GFM2: variants seen among roughly 807,000 people sequenced by gnomAD.
The protein encoded by GFM2 is GTP dependent ribosome recycling factor mitochondrial 2, also known as ribosome-releasing factor 2, mitochondrial.
In GFM2, 72 loss-of-function variants were observed where a neutral mutation model predicts 95.4. The observed-to-expected ratio is 0.76, with a 90% CI of 0.62 to 0.92. The LOEUF is 0.92. Among genes scored for constraint, GFM2 ranks in the 40% least tolerant of loss-of-function variants. The pLI is 0.00. For missense variants in GFM2, 825 were observed against 924.1 expected (o/e 0.89, Z 1.39); for synonymous variants, 276 against 317.5 (o/e 0.87, Z 1.39).
At position 74,746,165 on chromosome 5, in the gene GFM2, G is replaced by C; in HGVS notation, c.609C>G (p.Ser203Arg). The C allele has an allele frequency of 6.8e-7, 1 of 1,477,558 alleles. No homozygotes were observed. The highest frequency in any genetic ancestry group is 9.0e-7 in the Non-Finnish European group (1 of 1,108,188). The allele number at this position is 1,477,558 out of a possible 1,614,324, so 91.5% of individuals were successfully genotyped here. A position where few individuals can be genotyped will look rare whatever the true frequency, so the allele number is the denominator to read the frequency against. ...FLNKMDKTGA[S>R]FKYAVESIRE... ...TGATGCTTTCAACTGCATACTTAAAGCTGTAGAAAGCAAAATAATTATAGT... is the reference window on the plus strand; with the variant it reads ...TGATGCTTTCAACTGCATACTTAAACCTGTAGAAAGCAAAATAATTATAGT... Residue 203 changes from serine to arginine, a missense_variant and splice_region_variant, in exon 9 of 21, where the codon AGC becomes AGG. Ser to Arg is a moderately radical substitution (Grantham distance 110). Transcript: ENST00000296805.
chr5:74,721,927 T>A, intron 20 of GFM2, 144 bp from the exon 21 acceptor site: 2 of 725,740 alleles, frequency 2.8e-6, no homozygotes, highest in Non-Finnish European at 4.4e-6. Context: ...ACAGATGATT[T>A]AACTTTTTTC....
chr5:74,753,140 C>T (rs1279827137), intron 5 of GFM2, among the ~76,000 whole-genome samples: 2 of 151,788 alleles, frequency 1.3e-5, no homozygotes, highest in Admixed American at 1.3e-4. Context: ...AGGTGAATAC[C>T]AACTTAAAAA....
chr5:74,730,406 C>G lies in GFM2; in HGVS notation c.1588-8G>C, dbSNP rs372562849. The G allele has an allele frequency of 6.4e-7, 1 of 1,555,346 alleles. No homozygotes were observed. The highest frequency in any genetic ancestry group is 2.0e-5 in the Admixed American group (1 of 48,948). ...CATACCACACAGAACAGTCTGGTTA[C>G]CAGAGGAATGAAATAAAAGATTAAG... On this transcript the variant is annotated splice_polypyrimidine_tract_variant and splice_region_variant and intron_variant, in intron 16 of 20. Transcript: ENST00000296805.
chr5:74,744,980 T>C (rs1743304265), intron 10 of GFM2, among the ~76,000 whole-genome samples: 1 of 152,190 alleles, frequency 6.6e-6, no homozygotes, highest in South Asian at 2.1e-4. Flanking sequence ...AACAGTAACA[T>C]TTCATTTATG....
Position 74,727,993 on chromosome 5 carries a change from A to G in GFM2, c.1727-1867T>C, listed in dbSNP as rs578022910. ...AAACTCCGTACCCCACTTCATCAAC[A>G]TCTCTCCTTTCCCCAGCTTTCCAAT... On this transcript the variant is annotated intron_variant, in intron 17 of 20. Coordinates refer to ENST00000296805, the MANE Select transcript of GFM2 (RefSeq NM_032380.5). 5.9e-5 allele frequency among the ~76,000 whole-genome samples: 9 copies of G among 152,150 alleles called. No individual in the cohort carries two copies. In the South Asian group the frequency reaches 1.9e-3, roughly 32 times the overall value.
intron 5 of GFM2, among the ~76,000 whole-genome samples, chr5:74,756,827 AC>A (rs1464764126): frequency 6.6e-6 from 1 of 152,164 alleles, no homozygotes; most frequent in African/African-American, 2.4e-5. Context: ...GGAATGGAAA[AC>A]TGACATCATT....
intron 8 of GFM2, among the ~76,000 whole-genome samples, chr5:74,746,432 T>C (rs891465284): frequency 1.3e-5 from 2 of 152,224 alleles, no homozygotes; most frequent in African/African-American, 2.4e-5. Context: ...CGCATAACTA[T>C]ACTTTGCAAT....
chr5:74,736,641 A>G, intron 15 of GFM2, 155 bp downstream of exon 15: 1 of 1,448,844 alleles, frequency 6.9e-7, no homozygotes, highest in African/African-American at 1.4e-5. Context: ...AAATCAAAAC[A>G]TCTTAAAAAA....
intron 20 of GFM2, 188 bp downstream of exon 20, chr5:74,722,191 A>G: frequency 1.7e-6 from 1 of 598,484 alleles, no homozygotes; most frequent in East Asian, 2.8e-5. Flanking sequence ...TAGTGCTATA[A>G]TCCCTGGATT....
intron 14 of GFM2, among the ~76,000 whole-genome samples, chr5:74,737,624 G>A (rs762585083): frequency 5.9e-5 from 9 of 152,100 alleles, no homozygotes; most frequent in Non-Finnish European, 8.8e-5. Flanking sequence ...GAAGTCCAGT[G>A]ACCAGCCTAT....
chr5:74,755,987 A>C (rs1356793110), intron 5 of GFM2, among the ~76,000 whole-genome samples: 1 of 152,248 alleles, frequency 6.6e-6, no homozygotes, highest in Non-Finnish European at 1.5e-5. Flanking sequence ...TGAATCCAAC[A>C]GCATACCAAA....
intron 5 of GFM2, among the ~76,000 whole-genome samples, chr5:74,752,126 G>C (rs367772714): frequency 1.4e-4 from 21 of 152,126 alleles, no homozygotes; most frequent in African/African-American, 4.8e-4. Context: ...CCAAAGAGAA[G>C]GGATTTAGTT....
chr5:74,766,077 G>T (rs1473475946), intron 1 of GFM2, among the ~76,000 whole-genome samples: 1 of 151,998 alleles, frequency 6.6e-6, no homozygotes, highest in African/African-American at 2.4e-5. Flanking sequence ...AGGCCGAGGC[G>T]GGTGGATCGC....
At chr5:74,758,497 C>G (rs1744110334) in intron 5 of GFM2, among the ~76,000 whole-genome samples, 9 of 152,134 alleles carry the variant, frequency 5.9e-5, no homozygotes, top group Admixed American at 5.9e-4. Flanking sequence ...ATCCATTACT[C>G]TGGAGCAGCC....
Position 74,736,939 on chromosome 5 carries a change from G to A in GFM2, c.1367C>T (p.Ala456Val). ...TIVSSKSSAL[A>V]AARRAEREGE... ...CTCCCGTTCGGCTCTACGAGCTGCA[G>A]CTAATGCACTGGACTTGGATGAGAC... Residue 456 changes from alanine to valine, a missense_variant, in exon 15 of 21, where the codon GCT (alanine) becomes GTT (valine). Transcript: ENST00000296805. 6.2e-7 allele frequency: 1 copy of A among 1,613,712 alleles called. No individual in the cohort carries two copies. Among genetic ancestry groups the A allele is most frequent in the Non-Finnish European group, 8.5e-7 (1 of 1,179,768 alleles).
chr5:74,766,299 G>A (rs1009580183), intron 1 of GFM2, among the ~76,000 whole-genome samples: 5 of 152,222 alleles, frequency 3.3e-5, no homozygotes, highest in African/African-American at 4.8e-5. Flanking sequence ...GCGAGATGCC[G>A]TCTCAAAATA....
chr5:74,759,679 AC>A (rs1399943718), intron 3 of GFM2, among the ~76,000 whole-genome samples: 11 of 152,100 alleles, frequency 7.2e-5, no homozygotes, highest in African/African-American at 2.7e-4. Flanking sequence ...ATACAGATTC[AC>A]CCCAATCTCT....
At position 74,759,739 on chromosome 5, in the gene GFM2, C is replaced by T. The variant is rs114533220; in HGVS notation, c.149-313G>A. Among the ~76,000 whole-genome samples, 600 of 152,146 alleles carry T rather than the reference C, an allele frequency of 3.9e-3. 2 individuals carry two copies. The highest frequency in any genetic ancestry group is 0.014 in the African/African-American group (578 of 41,526). Reference sequence around the variant, plus strand: ...CAAAATTGTAGAACTAGAATAAATGCTCATAATAATAATCTTAAGGCAATG... The same window carrying T: ...CAAAATTGTAGAACTAGAATAAATGTTCATAATAATAATCTTAAGGCAATG... On this transcript the variant is annotated intron_variant, in intron 3 of 20. Coordinates refer to ENST00000296805, the MANE Select transcript of GFM2 (RefSeq NM_032380.5).
chr5:74,763,784 C>T lies in GFM2; in HGVS notation c.-24-18G>A. The T allele has an allele frequency of 6.6e-7, 1 of 1,510,700 alleles. No homozygotes were observed. Among genetic ancestry groups the T allele is most frequent in the Non-Finnish European group, 9.2e-7 (1 of 1,089,750 alleles). 93.6% of individuals were successfully genotyped at this position (1,510,700 alleles called of 1,614,324 possible). A position where few individuals can be genotyped will look rare whatever the true frequency, so the allele number is the denominator to read the frequency against. On this transcript the variant is annotated intron_variant, in intron 1 of 20. Coordinates refer to ENST00000296805, the MANE Select transcript of GFM2 (RefSeq NM_032380.5). Reference sequence around the variant, plus strand: ...GTTACTGTCTGAAAAAATAAATATACAAAATCAAAAAACTAAACTTATGTA... The same window carrying T: ...GTTACTGTCTGAAAAAATAAATATATAAAATCAAAAAACTAAACTTATGTA...
Sources: allele counts gnomAD v4.1 joint callset (sites outside exome capture counted in the v4.1 genomes callset), GRCh38; gene constraint gnomAD v4.1.1; transcripts MANE v1.5; gene names NCBI Gene and HGNC (gene_info 2026-07-23, HGNC 2026-07-21).